RPS6KB1: variants seen among roughly 807,000 people sequenced by gnomAD.
RPS6KB1 encodes the protein ribosomal protein S6 kinase B1.
A neutral mutation model predicts 70.2 loss-of-function variants in RPS6KB1; 12 were observed. That is an observed-to-expected ratio of 0.17 (90% CI 0.11 to 0.28). The LOEUF (loss-of-function observed/expected upper bound fraction) is 0.28, where lower values mean the gene tolerates loss of function less well. Ranked by LOEUF, RPS6KB1 falls within the 10% of genes least tolerant of loss-of-function variation. The pLI is 1.00. For missense variants in RPS6KB1, 270 were observed against 646.6 expected, an observed-to-expected ratio of 0.42 and a Z score of 6.32; for synonymous variants, 175 against 211.2, an observed-to-expected ratio of 0.83 and a Z score of 1.49.
chr17:59,903,624 G>A (rs561996151), intron 1 of RPS6KB1, among the ~76,000 whole-genome samples: 3 of 152,068 alleles, frequency 2.0e-5, no homozygotes, highest in Non-Finnish European at 2.9e-5. Context: ...TTTAAGAGAC[G>A]AACTTTTCCA....
chr17:59,932,213 G>A (rs1222020486), intron 7 of RPS6KB1, among the ~76,000 whole-genome samples: 1 of 151,326 alleles, frequency 6.6e-6, no homozygotes, highest in Non-Finnish European at 1.5e-5. Context: ...AAGACGCCTG[G>A]CCAACATGGT....
chr17:59,941,073 T>C, intron 13 of RPS6KB1, 130 bp downstream of exon 13: 1 of 575,280 alleles, frequency 1.7e-6, no homozygotes. Flanking sequence ...TTTTTTTAAA[T>C]AAGCCATGCC....
intron 4 of RPS6KB1, among the ~76,000 whole-genome samples, chr17:59,921,703 G>C (rs1460631085): frequency 6.6e-6 from 1 of 152,172 alleles, no homozygotes. Flanking sequence ...GTGAGGAAAA[G>C]ACTATCAACA....
Position 59,929,528 on chromosome 17 carries a change from C to A in RPS6KB1, c.530-589C>A, listed in dbSNP as rs145628629. ...GGATTCTACTGTAATAAAGAACTTT[C>A]TCTTCTTCCCCCTTTAAAACATTTA... On this transcript the variant is annotated intron_variant, in intron 5 of 14. Coordinates refer to ENST00000225577, the MANE Select transcript of RPS6KB1 (RefSeq NM_003161.4). Among the ~76,000 whole-genome samples the A allele has an allele frequency of 4.7e-3, 712 of 152,326 alleles. 9 individuals are homozygous for A. The highest frequency in any genetic ancestry group is 0.016 in the African/African-American group (686 of 41,582).
intron 4 of RPS6KB1, among the ~76,000 whole-genome samples, chr17:59,920,958 A>G (rs1444809173): frequency 1.3e-5 from 2 of 152,170 alleles, no homozygotes; most frequent in African/African-American, 2.4e-5. Context: ...TCAGCCCCCT[A>G]AAGTGCTGGA....
At chr17:59,904,824 G>A (rs2042172717) in intron 1 of RPS6KB1, among the ~76,000 whole-genome samples, 1 of 151,414 alleles carries the variant, frequency 6.6e-6, no homozygotes. Context: ...AGCCTCCCGA[G>A]TAGCTGGGAC....
At chr17:59,929,524 C>A (rs2144948156) in intron 5 of RPS6KB1, among the ~76,000 whole-genome samples, 1 of 152,324 alleles carries the variant, frequency 6.6e-6, no homozygotes, top group East Asian at 1.9e-4. Context: ...TAATAAAGAA[C>A]TTTCTCTTCT....
intron 1 of RPS6KB1, among the ~76,000 whole-genome samples, chr17:59,900,078 AGAGAT>A (rs2041817671): frequency 6.6e-6 from 1 of 151,912 alleles, no homozygotes; most frequent in Non-Finnish European, 1.5e-5. Flanking sequence ...GAGGCTGAGA[AGAGAT>A]GATCACTGGA....
intron 4 of RPS6KB1, among the ~76,000 whole-genome samples, chr17:59,915,474 CT>C (rs542750411): frequency 6.6e-6 from 1 of 150,490 alleles, no homozygotes; most frequent in Non-Finnish European, 1.5e-5. Flanking sequence ...ACTGCCATCT[CT>C]TTTTTTTTGA....
intron 1 of RPS6KB1, among the ~76,000 whole-genome samples, chr17:59,894,680 C>G (rs1055911815): frequency 6.6e-6 from 1 of 152,226 alleles, no homozygotes; most frequent in African/African-American, 2.4e-5. Context: ...TCTCAGCTCA[C>G]TGCAATCTCA....
Position 59,935,240 on chromosome 17 carries a change from C to G in RPS6KB1, c.918C>G (p.Leu306=). The stretch of plus-strand genomic sequence containing the variant: ...GAAAGAAAACAATTGACAAAATCCT[C>G]AAATGTAAACTCAATTTGCCTCCCT... ...ENRKKTIDKI[L]KCKLNLPPYL... The change falls in exon 10 of 15, where the codon CTC becomes CTG. Residue 306 remains leucine, a synonymous_variant. Transcript: ENST00000225577. The G allele has an allele frequency of 1.2e-6, 2 of 1,613,060 alleles. No individual in the cohort carries two copies. Among genetic ancestry groups the G allele is most frequent in the East Asian group, 2.2e-5 (1 of 44,796 alleles).
chr17:59,922,422 TA>T (rs1247320493), intron 4 of RPS6KB1, among the ~76,000 whole-genome samples: 2 of 152,098 alleles, frequency 1.3e-5, no homozygotes, highest in African/African-American at 4.8e-5. Flanking sequence ...AATCTTTACT[TA>T]ATGGTTTTAT....
chr17:59,902,639 G>A (rs1459159675), intron 1 of RPS6KB1, among the ~76,000 whole-genome samples: 2 of 150,208 alleles, frequency 1.3e-5, no homozygotes, highest in South Asian at 4.2e-4. Flanking sequence ...GTGCAGTGGC[G>A]TGAAAAAGCT....
chr17:59,927,670 C>CT (rs1045562726), intron 5 of RPS6KB1, among the ~76,000 whole-genome samples: 4 of 150,960 alleles, frequency 2.6e-5, no homozygotes, highest in Admixed American at 6.6e-5. Context: ...CCACACTTGG[C>CT]TTTTTTTTGT....
intron 4 of RPS6KB1, among the ~76,000 whole-genome samples, chr17:59,925,123 G>A (rs1207667037): frequency 1.3e-5 from 2 of 152,030 alleles, no homozygotes; most frequent in Non-Finnish European, 2.9e-5. Context: ...GAGCCACTGC[G>A]CCCGGCTGAT....
chr17:59,923,671 G>A (rs558864885), intron 4 of RPS6KB1, among the ~76,000 whole-genome samples: 6 of 151,658 alleles, frequency 4.0e-5, no homozygotes, highest in East Asian at 3.9e-4. Context: ...CACCACGCCC[G>A]GCTAATTTTT....
At chr17:59,928,944 C>G (rs1475934267) in intron 5 of RPS6KB1, among the ~76,000 whole-genome samples, 3 of 152,122 alleles carry the variant, frequency 2.0e-5, no homozygotes, top group African/African-American at 7.2e-5. Flanking sequence ...TGCATCAGAT[C>G]AAGAGGTACA....
chr17:59,943,963 A>C (rs1378508087), intron 13 of RPS6KB1, among the ~76,000 whole-genome samples: 1 of 150,950 alleles, frequency 6.6e-6, no homozygotes, highest in African/African-American at 2.4e-5. Context: ...CATCCCACTT[A>C]TCTGGATAAT....
rs1390401164 is a variant in RPS6KB1 at position 59,893,170 on chromosome 17, G to A, written c.-15G>A. 2.6e-6 allele frequency: 4 copies of A among 1,547,398 alleles called. No homozygotes were observed. The highest frequency in any genetic ancestry group is 1.9e-5 in the Admixed American group (1 of 51,698). Reference sequence around the variant, plus strand: ...TGGCGGCAGCGGCTGTGGTGGCTGCGGCGGGTCCGGGCCCATGAGGCGACG... The same window carrying A: ...TGGCGGCAGCGGCTGTGGTGGCTGCAGCGGGTCCGGGCCCATGAGGCGACG... On this transcript the variant is annotated 5_prime_UTR_variant, in exon 1 of 15. Coordinates refer to ENST00000225577, the MANE Select transcript of RPS6KB1 (RefSeq NM_003161.4). This position sits in a 1 kb window ranked among gnomAD's most constrained non-coding sequence, Gnocchi z 4.1.
Sources: allele counts gnomAD v4.1 joint callset (sites outside exome capture counted in the v4.1 genomes callset), GRCh38; gene constraint gnomAD v4.1.1; non-coding constraint Gnocchi (gnomAD v3.1); transcripts MANE v1.5; gene names NCBI Gene and HGNC (gene_info 2026-07-23, HGNC 2026-07-21).